ALPK2: variants seen among roughly 807,000 people sequenced by gnomAD.
The protein encoded by ALPK2 is alpha kinase 2.
ALPK2 carries 127 observed loss-of-function variants against 163.1 expected under a neutral mutation model. The observed-to-expected ratio is 0.78, with a 90% confidence interval of 0.67 to 0.90. The LOEUF is 0.90. Ranked by LOEUF, ALPK2 falls within the 40% of genes least tolerant of loss-of-function variation. ALPK2 has a pLI of 0.00. For missense variants in ALPK2, 2,360 were observed against 2,589.6 expected (o/e 0.91, Z 1.92); for synonymous variants, 953 against 959.1 (o/e 0.99, Z 0.12).
At chr18:58,511,060 A>G (rs2051487676) in intron 10 of ALPK2, among the ~76,000 whole-genome samples, 1 of 152,202 alleles carries the variant, frequency 6.6e-6, no homozygotes, top group South Asian at 2.1e-4. Flanking sequence ...GATACGTCCC[A>G]TCAATACCTA....
At chr18:58,573,216 A>ATATCTATGTGTATATATG (rs2051895325) in intron 4 of ALPK2, among the ~76,000 whole-genome samples, 2 of 34,588 alleles carry the variant, frequency 5.8e-5, no homozygotes, top group Non-Finnish European at 1.1e-4. Context: ...GTATATATGT[A>ATATCTATGTGTATATATG]TATATATGTG....
intron 10 of ALPK2, among the ~76,000 whole-genome samples, chr18:58,510,650 G>T (rs555816194): frequency 4.6e-5 from 7 of 152,270 alleles, no homozygotes; most frequent in African/African-American, 1.7e-4. Context: ...TGAAGCAATT[G>T]TGAATGGGAG....
At chr18:58,498,690 C>A (rs2051414298) in intron 11 of ALPK2, among the ~76,000 whole-genome samples, 1 of 152,178 alleles carries the variant, frequency 6.6e-6, no homozygotes, top group Non-Finnish European at 1.5e-5. Context: ...CCATACTGTT[C>A]TCATGGTAGT....
At chr18:58,485,097 A>G (rs1351802277) in intron 12 of ALPK2, among the ~76,000 whole-genome samples, 1 of 152,210 alleles carries the variant, frequency 6.6e-6, no homozygotes, top group Non-Finnish European at 1.5e-5. Context: ...CATTAAACCA[A>G]ACACAGGGCC....
At chr18:58,573,234 G>GTGTATATATGTGTATATA (rs71173064) in intron 4 of ALPK2, among the ~76,000 whole-genome samples, 85,311 of 117,474 alleles carry the variant, frequency 0.73, 32,345 homozygotes, top group East Asian at 0.99. Flanking sequence ...GTGTATATGT[G>GTGTATATATGTGTATATA]TGTATATATG....
intron 3 of ALPK2, among the ~76,000 whole-genome samples, chr18:58,582,799 G>C (rs1008959865): frequency 3.3e-5 from 5 of 152,264 alleles, no homozygotes; most frequent in East Asian, 1.9e-4. Flanking sequence ...GAAGTGGGGG[G>C]TGGGGGCAAG....
In ALPK2 at chr18:58,537,418, G is replaced by A. The variant is rs745471796; in HGVS notation, c.2769C>T (p.Ser923=). 11 of 1,613,596 alleles carry A rather than the reference G, an allele frequency of 6.8e-6. No homozygotes were observed. The highest frequency in any genetic ancestry group is 1.3e-5 in the African/African-American group (1 of 75,044). Residue 923 remains serine (S), a synonymous_variant, in exon 5 of 13, where the codon TCC becomes TCT. Coordinates refer to ENST00000361673, the MANE Select transcript of ALPK2 (RefSeq NM_052947.4). ...GCTGCTCCTGGCCAGCATGTACTGT[G>A]GAGGCCAGTGGGTAGGTGGAATTCT... ...KVENSTYPLA[S]TVHAGQEQPS...
chr18:58,580,416 G>C lies in ALPK2; in HGVS notation c.360C>G (p.Asp120Glu). Residue 120 changes from aspartate to glutamate, a missense_variant, in exon 4 of 13, where the codon GAC becomes GAG. Physicochemically the swap from Asp to Glu is conservative, Grantham distance 45 (BLOSUM62 2). Coordinates refer to ENST00000361673, the MANE Select transcript of ALPK2 (RefSeq NM_052947.4). ...NPQLSPNLED[D>E]RDRGWKHETG... ...TTTCATGTTTCCAACCCCTGTCCCT[G>C]TCATCTTCCAGGTTAGGAGACAATT... The C allele has an allele frequency of 6.2e-7, 1 of 1,614,108 alleles. No homozygotes were observed. Among genetic ancestry groups the C allele is most frequent in the South Asian group, 1.1e-5 (1 of 91,082 alleles).
rs1346005965 is a variant in ALPK2 at position 58,535,657 on chromosome 18, T to C, written c.4530A>G (p.Ile1510Met). 1.1e-5 allele frequency: 18 copies of C among 1,614,140 alleles called. No homozygotes were observed. The highest frequency in any genetic ancestry group is 1.5e-5 in the Non-Finnish European group (18 of 1,180,038). Residue 1510 changes from isoleucine (I) to methionine (M), a missense_variant, in exon 5 of 13, where the codon ATA becomes ATG. Coordinates refer to ENST00000361673, the MANE Select transcript of ALPK2 (RefSeq NM_052947.4). ...CATCACTGCTTTCTTGTATTTGGCC[T>C]ATGCTACATCCACTTGGAATTCTTT... is the stretch of plus-strand genomic sequence containing the variant. ...GGERIPSGCS[I>M]GQIQESSDGS...
intron 4 of ALPK2, among the ~76,000 whole-genome samples, chr18:58,539,034 A>G (rs1383337414): frequency 6.6e-6 from 1 of 152,184 alleles, no homozygotes; most frequent in Non-Finnish European, 1.5e-5. Flanking sequence ...CACCAGAATC[A>G]TGAACCAAAT....
intron 1 of ALPK2, among the ~76,000 whole-genome samples, chr18:58,613,641 G>T (rs959202748): frequency 1.3e-5 from 2 of 151,012 alleles, no homozygotes; most frequent in African/African-American, 4.9e-5. Context: ...AGAGGTTGCG[G>T]TGAGCCGAGA....
chr18:58,532,904 A>G (rs928439501), intron 5 of ALPK2, among the ~76,000 whole-genome samples: 12 of 152,136 alleles, frequency 7.9e-5, no homozygotes, highest in Non-Finnish European at 2.9e-5. Flanking sequence ...CTCCTAATCT[A>G]TACCCTAACC....
intron 4 of ALPK2, chr18:58,566,467 C>G (rs1568087244): frequency 6.6e-6 from 1 of 152,148 alleles, no homozygotes; most frequent in Admixed American, 6.5e-5. Context: ...TTCAGAGATG[C>G]AAATTCATCT....
In ALPK2 at chr18:58,489,539, T is replaced by C. The variant is rs184264406; in HGVS notation, c.6297-7500A>G. On this transcript the variant is annotated intron_variant, in intron 12 of 12. Coordinates refer to ENST00000361673, the MANE Select transcript of ALPK2 (RefSeq NM_052947.4). Reference sequence around the variant, plus strand: ...CACCCCTACAAAAAAAAATTAAAAATAGCTGGGTGTGGTGGTGCATGCCTG... The same window carrying C: ...CACCCCTACAAAAAAAAATTAAAAACAGCTGGGTGTGGTGGTGCATGCCTG... Among the ~76,000 whole-genome samples the C allele has an allele frequency of 1.7e-4, 26 of 151,814 alleles. No individual in the cohort carries two copies. In the East Asian group the frequency reaches 5.0e-3, roughly 29 times the overall value.
At chr18:58,549,541 G>A (rs1479057996) in intron 4 of ALPK2, among the ~76,000 whole-genome samples, 1 of 152,152 alleles carries the variant, frequency 6.6e-6, no homozygotes, top group Non-Finnish European at 1.5e-5. Context: ...AGCTAGGAAG[G>A]CAAAATATAC....
chr18:58,504,242 A>G, intron 10 of ALPK2, 94 bp from the exon 11 acceptor site: 1 of 1,060,572 alleles, frequency 9.4e-7, no homozygotes, highest in South Asian at 1.6e-5. Context: ...AGCACGGAGC[A>G]TAGAATTTGT....
intron 6 of ALPK2, 77 bp downstream of exon 6, chr18:58,529,014 C>T (rs1174580272): frequency 1.9e-6 from 3 of 1,575,010 alleles, no homozygotes; most frequent in Non-Finnish European, 2.6e-6. Flanking sequence ...ATAATTTATT[C>T]TTTTTTCTTT....
At chr18:58,590,784 TCA>T (rs1437122191) in intron 3 of ALPK2, among the ~76,000 whole-genome samples, 1 of 152,158 alleles carries the variant, frequency 6.6e-6, no homozygotes, top group Non-Finnish European at 1.5e-5. Context: ...ACCAATTTAT[TCA>T]GTTATTTATT....
chr18:58,517,935 A>G (rs2051531157), intron 8 of ALPK2, among the ~76,000 whole-genome samples: 1 of 152,014 alleles, frequency 6.6e-6, no homozygotes, highest in Non-Finnish European at 1.5e-5. Context: ...GTTTTCTAAC[A>G]GCTGTTTTTT....
Sources: allele counts gnomAD v4.1 joint callset (sites outside exome capture counted in the v4.1 genomes callset), GRCh38; gene constraint gnomAD v4.1.1; transcripts MANE v1.5; gene names NCBI Gene and HGNC (gene_info 2026-07-23, HGNC 2026-07-21).